MYOF: variants seen among roughly 807,000 people sequenced by gnomAD.
MYOF encodes myoferlin, also known as fer-1-like 3, myoferlin.
In MYOF, 244 loss-of-function variants were observed where a neutral mutation model predicts 284.2. That is an observed-to-expected ratio of 0.86 (90% confidence interval 0.77 to 0.95). The LOEUF (loss-of-function observed/expected upper bound fraction) is 0.95. MYOF is among the 40% of genes least tolerant of loss of function. The pLI is 0.00. For missense variants in MYOF, 2,496 were observed against 2,560.6 expected, an observed-to-expected ratio of 0.97 and a Z score of 0.54; for synonymous variants, 904 against 919.7, an observed-to-expected ratio of 0.98 and a Z score of 0.31.
intron 50 of MYOF, among the ~76,000 whole-genome samples, chr10:93,314,646 T>C (rs924315714): frequency 1.3e-5 from 2 of 152,214 alleles, no homozygotes; most frequent in African/African-American, 4.8e-5. Context: ...CCTTAGCCTT[T>C]CTTGACCTAT....
At chr10:93,474,681 A>G (rs1589623013) in intron 1 of MYOF, among the ~76,000 whole-genome samples, 1 of 152,170 alleles carries the variant, frequency 6.6e-6, no homozygotes, top group African/African-American at 2.4e-5. Flanking sequence ...GCAATGTCAC[A>G]TGTACATTAA....
At chr10:93,468,696 C>T (rs1312412484) in intron 1 of MYOF, among the ~76,000 whole-genome samples, 1 of 152,128 alleles carries the variant, frequency 6.6e-6, no homozygotes, top group Non-Finnish European at 1.5e-5. Flanking sequence ...AATTTTGGGC[C>T]CTGCCAGCAG....
At chr10:93,392,834 G>T (rs185318065) in intron 17 of MYOF, 83 bp downstream of exon 17, 5 of 1,319,842 alleles carry the variant, frequency 3.8e-6, no homozygotes, top group Middle Eastern at 2.2e-4. Flanking sequence ...TCAAAAAAAA[G>T]TTCTAAAGAC....
intron 1 of MYOF, among the ~76,000 whole-genome samples, chr10:93,457,736 AT>A (rs5787062): frequency 1.8e-4 from 26 of 142,166 alleles, no homozygotes; most frequent in Admixed American, 3.5e-4. Flanking sequence ...ATCTCATCTA[AT>A]TTTTTTTTTT....
chr10:93,423,845 A>AG (rs1848463079), intron 5 of MYOF, among the ~76,000 whole-genome samples: 1 of 151,752 alleles, frequency 6.6e-6, no homozygotes, highest in Non-Finnish European at 1.5e-5. Flanking sequence ...AAAAAAAAAA[A>AG]CAAACCAAAA....
In MYOF at chr10:93,424,829, G is replaced by A. The variant is rs117080053; in HGVS notation, c.433+1242C>T. Among the ~76,000 whole-genome samples the A allele has an allele frequency of 9.9e-4, 150 of 151,980 alleles. 2 individuals are homozygous for A. In the East Asian group the frequency reaches 0.026, roughly 26 times the overall value. The stretch of plus-strand genomic sequence containing the variant: ...GTGTAAAGTGAACCCTCGGGCGGCC[G>A]GAGAGCCAAGTTCCCAACCAAGAGA... On this transcript the variant is annotated intron_variant, in intron 5 of 53. Transcript: ENST00000359263.
intron 27 of MYOF, among the ~76,000 whole-genome samples, chr10:93,362,316 A>G (rs532665204): frequency 5.9e-5 from 9 of 151,456 alleles, no homozygotes; most frequent in Admixed American, 2.0e-4. Flanking sequence ...TGCAATCTCG[A>G]GTCACTGCAA....
Position 93,397,246 on chromosome 10 carries a change from C to T in MYOF, c.1334+1G>A, listed in dbSNP as rs1207826442. The T allele has an allele frequency of 6.3e-7, 1 of 1,582,140 alleles. No individual in the cohort carries two copies. The highest frequency in any genetic ancestry group is 1.1e-5 in the South Asian group (1 of 88,744). On this transcript the variant is annotated splice_donor_variant, in intron 15 of 53. Transcript: ENST00000359263. LOFTEE classifies it high-confidence loss of function. ...TAGACACATACGTATTTTCAACTCA[C>T]CAGTCATATATTGTTAGTTTTATTT...
Position 93,369,749 on chromosome 10 carries a change from T to A in MYOF, c.2485A>T (p.Lys829Ter), listed in dbSNP as rs750918061. 1 of 1,614,180 alleles carries A rather than the reference T, an allele frequency of 6.2e-7. No homozygotes were observed. The highest frequency in any genetic ancestry group is 8.5e-7 in the Non-Finnish European group (1 of 1,180,034). Residue 829 changes from lysine (K) to a stop codon, truncating the protein, a stop_gained, in exon 25 of 54, where the codon AAG (lysine) becomes TAG (stop). Coordinates refer to ENST00000359263, the MANE Select transcript of MYOF (RefSeq NM_013451.4). LOFTEE classifies it high-confidence loss of function. Reference protein sequence around the residue: ...KYPQEKNNGPKVPVELRVNIW... With the variant: ...KYPQEKNNGP ...TTCACTCGCAACTCCACAGGCACCT[T>A]TGGCCCGTTGTTTTTCTCCTGTGGA...
At chr10:93,386,065 CAAATA>C (rs1459268791) in intron 19 of MYOF, among the ~76,000 whole-genome samples, 3 of 152,044 alleles carry the variant, frequency 2.0e-5, no homozygotes, top group Admixed American at 6.5e-5. Context: ...GTGATGGAAC[CAAATA>C]AAAGAGGTAC....
chr10:93,451,218 T>A (rs2056581030), intron 3 of MYOF, among the ~76,000 whole-genome samples: 1 of 152,078 alleles, frequency 6.6e-6, no homozygotes, highest in Non-Finnish European at 1.5e-5. Flanking sequence ...TGCACGCCTG[T>A]AATTCCAGCT....
Position 93,482,167 on chromosome 10 carries a change from T to C in MYOF, c.28A>G (p.Ser10Gly), listed in dbSNP as rs1446665131. Residue 10 changes from serine (S) to glycine (G), a missense_variant, in exon 1 of 54, where the codon AGC (serine) becomes GGC (glycine). Around this residue, in one of 3 missense-constraint regions of MYOF, gnomAD observed 57 missense variants for 62.4 expected, o/e 0.91. Coordinates refer to ENST00000359263, the MANE Select transcript of MYOF (RefSeq NM_013451.4). MLRVIVESA[S>G]NIPKTKFGKP... is the part of the protein sequence containing the mutation. Reference sequence around the variant, plus strand: ...CCAAATTTCGTTTTAGGGATATTGCTGGCAGATTCCACAATCACTCGCAGC... The same window carrying C: ...CCAAATTTCGTTTTAGGGATATTGCCGGCAGATTCCACAATCACTCGCAGC... 1 of 1,614,180 alleles carries C rather than the reference T, an allele frequency of 6.2e-7. No individual in the cohort carries two copies. Among genetic ancestry groups the C allele is most frequent in the Admixed American group, 1.7e-5 (1 of 60,024 alleles).
At chr10:93,372,278 G>A (rs1239738112) in intron 24 of MYOF, among the ~76,000 whole-genome samples, 1 of 152,140 alleles carries the variant, frequency 6.6e-6, no homozygotes, top group Non-Finnish European at 1.5e-5. Context: ...GCTCACCTTT[G>A]ATTCCCCATA....
intron 3 of MYOF, among the ~76,000 whole-genome samples, chr10:93,446,766 G>T (rs1323739699): frequency 6.6e-6 from 1 of 151,754 alleles, no homozygotes; most frequent in African/African-American, 2.4e-5. Flanking sequence ...CGTCACCAGG[G>T]CTGGAGCGCA....
chr10:93,312,345 TTTC>T (rs1355378383), intron 51 of MYOF, among the ~76,000 whole-genome samples: 1 of 60,932 alleles, frequency 1.6e-5, no homozygotes, highest in Non-Finnish European at 3.9e-5. Flanking sequence ...CTCTCTTTTT[TTTC>T]TTTTTTATTT....
At chr10:93,319,353 AC>A (rs1413689235) in intron 49 of MYOF, among the ~76,000 whole-genome samples, 1 of 152,192 alleles carries the variant, frequency 6.6e-6, no homozygotes, top group Admixed American at 6.5e-5. Context: ...GTGAACCAAT[AC>A]ATCGTTTTTC....
chr10:93,438,444 G>A (rs2056138924), intron 3 of MYOF, among the ~76,000 whole-genome samples: 1 of 152,072 alleles, frequency 6.6e-6, no homozygotes, highest in Non-Finnish European at 1.5e-5. Flanking sequence ...GCTGCGCCTC[G>A]GTTCACCCCT....
chr10:93,314,180 C>A (rs962329559), intron 50 of MYOF, among the ~76,000 whole-genome samples: 2 of 152,156 alleles, frequency 1.3e-5, no homozygotes, highest in African/African-American at 2.4e-5. Flanking sequence ...CCTCCGCCTA[C>A]TGGGTTCAAG....
rs753802404 is a variant in MYOF at position 93,366,523 on chromosome 10, C to T, written c.2622G>A (p.Trp874Ter). The T allele has an allele frequency of 6.2e-7, 1 of 1,611,548 alleles. No homozygotes were observed. The highest frequency in any genetic ancestry group is 8.5e-7 in the Non-Finnish European group (1 of 1,179,304). Reference protein sequence around the residue: ...YENQALMFGKWGTSGLVGRHK... With the variant: ...YENQALMFGK ...GACGTCCTACTAATCCAGAAGTACC[C>T]CATTTTCCAAACATGAGAGCTTGAT... The change falls in exon 26 of 54, where the codon TGG (tryptophan) becomes TGA (stop). Residue 874 changes from tryptophan to a stop codon, truncating the protein, a stop_gained. Coordinates refer to ENST00000359263, the MANE Select transcript of MYOF (RefSeq NM_013451.4). LOFTEE classifies it high-confidence loss of function.
Sources: allele counts gnomAD v4.1 joint callset (sites outside exome capture counted in the v4.1 genomes callset), GRCh38; gene constraint gnomAD v4.1.1; regional missense constraint gnomAD v4.1.1; transcripts MANE v1.5; gene names NCBI Gene and HGNC (gene_info 2026-07-23, HGNC 2026-07-21).